DISP1: variants seen among roughly 807,000 people sequenced by gnomAD.
DISP1 encodes dispatched RND transporter family member 1.
A neutral mutation model predicts 37.3 loss-of-function variants in DISP1; 30 were observed. That is an observed-to-expected ratio of 0.80 (90% CI 0.60 to 1.09). DISP1 has a LOEUF of 1.09. Among genes scored for constraint, DISP1 ranks in the 50% least tolerant of loss-of-function variants. The pLI is 0.00. For synonymous variants in DISP1, 634 were observed against 690.2 expected, an observed-to-expected ratio of 0.92 and a Z score of 1.28; for missense variants, 1,598 against 1,879.5, an observed-to-expected ratio of 0.85 and a Z score of 2.77.
intron 1 of DISP1, among the ~76,000 whole-genome samples, chr1:222,853,319 T>C (rs1018741722): frequency 1.3e-5 from 2 of 152,164 alleles, no homozygotes; most frequent in African/African-American, 4.8e-5. Context: ...TTAGTACAGC[T>C]ACTATGGAGA....
intron 3 of DISP1, among the ~76,000 whole-genome samples, chr1:222,945,093 T>C (rs1413730460): frequency 5.3e-5 from 8 of 152,124 alleles, no homozygotes; most frequent in Admixed American, 1.3e-4. Flanking sequence ...GTTTTGAACA[T>C]TGTTGAGATT....
rs35743676 is a variant in DISP1 at position 222,889,560 on chromosome 1, A to ATT, written c.-158-38857_-158-38856dup. Among the ~76,000 whole-genome samples the ATT allele has an allele frequency of 2.8e-3, 401 of 141,836 alleles. 2 individuals carry two copies. Among genetic ancestry groups the ATT allele is most frequent in the African/African-American group, 0.01 (389 of 38,834 alleles). The allele number at this position is 141,836 out of a possible 152,430, so 93.0% of individuals were successfully genotyped here. A position where few individuals can be genotyped will look rare whatever the true frequency, so the allele number is the denominator to read the frequency against. ...GGTTTATCATTTTCCCCATGCAACT[A>ATT]TTTTTTTTTTTTTTCACAGAGCCAC... On this transcript the variant is annotated intron_variant, in intron 1 of 8. Coordinates refer to ENST00000675850, the MANE Select transcript of DISP1 (RefSeq NM_001377229.1).
At chr1:222,858,466 A>G (rs1572356848) in intron 1 of DISP1, among the ~76,000 whole-genome samples, 1 of 152,166 alleles carries the variant, frequency 6.6e-6, no homozygotes, top group Admixed American at 6.6e-5. Flanking sequence ...CAACAAAAGC[A>G]AAAATTGACA....
At chr1:222,857,420 G>A (rs910100862) in intron 1 of DISP1, among the ~76,000 whole-genome samples, 1 of 152,168 alleles carries the variant, frequency 6.6e-6, no homozygotes, top group Non-Finnish European at 1.5e-5. Flanking sequence ...AGTATTGGAA[G>A]TTCTGGCCAG....
intron 3 of DISP1, among the ~76,000 whole-genome samples, chr1:222,943,704 T>C (rs186382149): frequency 4.6e-5 from 7 of 152,278 alleles, no homozygotes; most frequent in African/African-American, 1.7e-4. Flanking sequence ...CTGTTATTGA[T>C]AGTGGTGAAC....
chr1:222,907,685 C>CTCA (rs550316764), intron 1 of DISP1, among the ~76,000 whole-genome samples: 1 of 152,220 alleles, frequency 6.6e-6, no homozygotes, highest in Non-Finnish European at 1.5e-5. Context: ...GGTGCAGTGG[C>CTCA]TCATGCCTGT....
intron 1 of DISP1, among the ~76,000 whole-genome samples, chr1:222,888,416 C>A (rs2125381537): frequency 6.6e-6 from 1 of 152,126 alleles, no homozygotes; most frequent in Admixed American, 6.5e-5. Context: ...AGAAGCCAAT[C>A]TTAAGGAAAA....
At chr1:222,902,744 C>T (rs1433100287) in intron 1 of DISP1, among the ~76,000 whole-genome samples, 2 of 152,014 alleles carry the variant, frequency 1.3e-5, no homozygotes, top group Admixed American at 1.3e-4. Context: ...ATCAAAACCA[C>T]GATAAGATAC....
chr1:222,858,524 A>G (rs537993617), intron 1 of DISP1, among the ~76,000 whole-genome samples: 6 of 152,324 alleles, frequency 3.9e-5, no homozygotes, highest in South Asian at 4.1e-4. Flanking sequence ...AAAAGAAAGT[A>G]TCATCAGAGT....
chr1:222,884,653 C>T (rs1670475139), intron 1 of DISP1, among the ~76,000 whole-genome samples: 1 of 152,156 alleles, frequency 6.6e-6, no homozygotes, highest in Admixed American at 6.5e-5. Flanking sequence ...TATATGGTGT[C>T]CGTATGCCTT....
chr1:222,855,773 A>G (rs1053987205), intron 1 of DISP1, among the ~76,000 whole-genome samples: 5 of 152,226 alleles, frequency 3.3e-5, no homozygotes, highest in African/African-American at 9.6e-5. Flanking sequence ...GACTAATTCA[A>G]ATTTCATATA....
chr1:222,888,149 A>G (rs773869724), intron 1 of DISP1, among the ~76,000 whole-genome samples: 1 of 152,226 alleles, frequency 6.6e-6, no homozygotes, highest in Non-Finnish European at 1.5e-5. Flanking sequence ...GTTTAGCTTT[A>G]TAAAATTACC....
chr1:222,983,004 TA>T (rs1677949041), intron 3 of DISP1, 75 bp from the exon 4 acceptor site: 2 of 1,125,060 alleles, frequency 1.8e-6, no homozygotes, highest in Admixed American at 2.1e-5. Context: ...AACACATATG[TA>T]AAGCCTTTGT....
chr1:222,883,484 G>A (rs1371385164), intron 1 of DISP1, among the ~76,000 whole-genome samples: 2 of 152,188 alleles, frequency 1.3e-5, no homozygotes. Context: ...GGGCGTGGTG[G>A]CACATGCCTG....
intron 1 of DISP1, among the ~76,000 whole-genome samples, chr1:222,911,456 A>G (rs1057249103): frequency 1.3e-5 from 2 of 151,780 alleles, no homozygotes; most frequent in African/African-American, 4.8e-5. Context: ...ACCTTCTAGT[A>G]CCCTTCTTTT....
In DISP1 at chr1:223,005,614, G is replaced by A. The variant is rs372648781; in HGVS notation, c.4217G>A (p.Cys1406Tyr). ...AGCACTGGATCGTTACTCAAAACGT[G>A]TTGCGACCCCGAGAATAAACAAAGG... is the stretch of plus-strand genomic sequence containing the variant. ...CRSTGSLLKT[C>Y]CDPENKQREL... Residue 1406 changes from cysteine (C) to tyrosine (Y), a missense_variant, in exon 9 of 9, where the codon TGT (cysteine) becomes TAT (tyrosine). Coordinates refer to ENST00000675850, the MANE Select transcript of DISP1 (RefSeq NM_001377229.1). The A allele has an allele frequency of 2.1e-5, 33 of 1,608,244 alleles. No homozygotes were observed. In the South Asian group the frequency reaches 3.1e-4, roughly 15 times the overall value.
rs1678705051 is a variant in DISP1, at chr1:222,991,667, T to C, written c.791+20T>C. On this transcript the variant is annotated intron_variant, in intron 6 of 8. Coordinates refer to ENST00000675850, the MANE Select transcript of DISP1 (RefSeq NM_001377229.1). ...CAAAAGGTAATCAATTATTTATTTT[T>C]ATATAACTTTTAGACAAAACATTGC... 2 of 1,606,194 alleles carry C rather than the reference T, an allele frequency of 1.2e-6. No individual in the cohort carries two copies. Among genetic ancestry groups the C allele is most frequent in the African/African-American group, 2.7e-5 (2 of 74,640 alleles).
intron 3 of DISP1, among the ~76,000 whole-genome samples, chr1:222,961,424 TC>T (rs1339548417): frequency 6.6e-6 from 1 of 152,186 alleles, no homozygotes; most frequent in Non-Finnish European, 1.5e-5. Context: ...CAACATCTCT[TC>T]ATGTTAAAAA....
intron 3 of DISP1, among the ~76,000 whole-genome samples, chr1:222,965,727 C>T (rs1340349958): frequency 6.6e-6 from 1 of 152,110 alleles, no homozygotes; most frequent in Non-Finnish European, 1.5e-5. Context: ...TTCTTACCCC[C>T]ATCAACTTTT....
Sources: gnomAD v4.1 joint callset for allele counts (sites outside exome capture counted in the v4.1 genomes callset) on GRCh38, gnomAD v4.1.1 for gene constraint, MANE v1.5 for transcripts, NCBI Gene and HGNC (gene_info 2026-07-23, HGNC 2026-07-21) for gene names.